The following PCYT2 variants were observed in gnomAD, a reference collection of about 807,000 sequenced individuals.
The protein encoded by PCYT2 is ethanolamine-phosphate cytidylyltransferase.
Under a neutral mutation model 50.0 loss-of-function variants are expected in PCYT2, and 33 were observed. The ratio of observed to expected loss-of-function variants is 0.66; its 90% confidence interval spans 0.50 to 0.88. PCYT2 has a LOEUF of 0.88. Among genes scored for constraint, PCYT2 ranks in the 40% least tolerant of loss-of-function variants. The probability of loss-of-function intolerance (pLI) is 0.00; values close to 1 mark genes in which losing one functional copy is unlikely to be tolerated. For synonymous variants in PCYT2, 240 were observed against 203.7 expected (o/e 1.18, Z -1.52); for missense variants, 430 against 519.7 (o/e 0.83, Z 1.68).
Position 81,906,783 on chromosome 17 carries a change from A to G in PCYT2, c.653T>C (p.Val218Ala). 6.2e-7 allele frequency: 1 copy of G among 1,613,428 alleles called. No individual in the cohort carries two copies. Among genetic ancestry groups the G allele is most frequent in the South Asian group, 1.1e-5 (1 of 91,088 alleles). The change falls in exon 7 of 13, where the codon GTG becomes GCG. Residue 218 changes from valine (V) to alanine (A), a missense_variant. Val to Ala is a moderately conservative substitution (Grantham distance 64). This residue lies in a region of PCYT2 where 248 missense variants were observed against 300.2 expected (regional missense o/e 0.83). Transcript: ENST00000538936. ...ACGGAACAGGTCGAAGGCACCAGCCACATAGATGACTGTCTCCCCTGGCTG... is the reference window on the plus strand; with the variant it reads ...ACGGAACAGGTCGAAGGCACCAGCCGCATAGATGACTGTCTCCCCTGGCTG... The part of the protein sequence containing the change: ...EPQPGETVIY[V>A]AGAFDLFHIG...
rs750116512 is a variant in PCYT2, at chr17:81,909,540, T to C, written c.152A>G (p.Tyr51Cys). ...ATCGGTGTGCACGCCTACGATGAGGTAGTCACCCATGGCCCGTGCCTGGCG... is the reference window on the plus strand; with the variant it reads ...ATCGGTGTGCACGCCTACGATGAGGCAGTCACCCATGGCCCGTGCCTGGCG... ...QLRQARAMGD[Y>C]LIVGVHTDEE... The change falls in exon 2 of 13, where the codon TAC (tyrosine) becomes TGC (cysteine). Residue 51 changes from tyrosine to cysteine, a missense_variant. By Grantham distance (194) the Tyr-to-Cys change is radical. Transcript: ENST00000538936. The C allele has an allele frequency of 2.5e-6, 4 of 1,613,382 alleles. No homozygotes were observed. The Admixed American group carries it at 5.0e-5, about 20-fold the overall frequency.
intron 6 of PCYT2, 148 bp downstream of exon 6, chr17:81,907,406 C>T: frequency 1.7e-6 from 2 of 1,195,248 alleles, no homozygotes; most frequent in Non-Finnish European, 2.4e-6. Flanking sequence ...GTGAGCCAAA[C>T]CTGGCAGTCA....
intron 10 of PCYT2, 59 bp from the exon 11 acceptor site, chr17:81,905,506 C>G (rs1438911139): frequency 6.7e-7 from 1 of 1,494,994 alleles, no homozygotes; most frequent in African/African-American, 1.4e-5. Context: ...TCGCCACCCA[C>G]AGCCCAGCAC....
At chr17:81,909,951 C>T (rs1300628256) in intron 1 of PCYT2, among the ~76,000 whole-genome samples, 1 of 152,210 alleles carries the variant, frequency 6.6e-6, no homozygotes, top group Non-Finnish European at 1.5e-5. Flanking sequence ...ATCAACTGCC[C>T]TGGGCAGTCA....
In PCYT2 at chr17:81,903,011, G is replaced by C; in HGVS notation, c.*1822C>G. The C allele has an allele frequency of 4.1e-6, 2 of 490,822 alleles. No individual in the cohort carries two copies. The highest frequency in any genetic ancestry group is 7.1e-6 in the Non-Finnish European group (2 of 280,832). The allele number at this position is 490,822 out of a possible 1,614,324, so 30.4% of individuals were successfully genotyped here. On this transcript the variant is annotated 3_prime_UTR_variant, in exon 13 of 13. Coordinates refer to ENST00000538936, the MANE Select transcript of PCYT2 (RefSeq NM_002861.5). ...AGCCGAGTGTGCGGCGGCAGGGCAA[G>C]GTTGGCCTGGGCCGCCCAGAGGTCT...
At chr17:81,905,300 C>T in intron 11 of PCYT2, 82 bp downstream of exon 11, 1 of 1,391,058 alleles carries the variant, frequency 7.2e-7, no homozygotes, top group South Asian at 1.2e-5. Flanking sequence ...TGCCCGTTTC[C>T]CAGGCAGGCA....
chr17:81,908,032 G>A (rs1598326075), intron 4 of PCYT2, among the ~76,000 whole-genome samples, 175 bp from the exon 5 acceptor site: 2 of 152,322 alleles, frequency 1.3e-5, no homozygotes, highest in South Asian at 2.1e-4. Context: ...TTGGGAACAT[G>A]GGGAAGGCCT....
intron 1 of PCYT2, among the ~76,000 whole-genome samples, chr17:81,910,335 C>T (rs1457628220): frequency 6.6e-6 from 1 of 152,228 alleles, no homozygotes; most frequent in African/African-American, 2.4e-5. Context: ...GCTGTCCCTG[C>T]CTCTCCAGGG....
chr17:81,911,244 GC>G, intron 1 of PCYT2, 22 bp downstream of exon 1: 1 of 1,033,604 alleles, frequency 9.7e-7, no homozygotes, highest in East Asian at 8.7e-5. Flanking sequence ...CGCCCCCGCG[GC>G]CCGCCCCGGC....
In PCYT2 at chr17:81,905,902, G is replaced by C; in HGVS notation, c.838-167C>G. 3.8e-6 allele frequency: 3 copies of C among 783,936 alleles called. No homozygotes were observed. The South Asian group carries it at 4.6e-5, about 12-fold the overall frequency. The allele number at this position is 783,936 out of a possible 1,614,324, so 48.6% of individuals were successfully genotyped here. A position where few individuals can be genotyped will look rare whatever the true frequency, so the allele number is the denominator to read the frequency against. On this transcript the variant is annotated intron_variant, in intron 9 of 12. Transcript: ENST00000538936. ...TGGGGCTCCTCCATGAGACAAGAAG[G>C]AACAGCATCTGGAGACCTGACCACC...
In PCYT2 at chr17:81,902,687, C is replaced by T. The variant is rs768544542; in HGVS notation, c.*2146G>A. On this transcript the variant is annotated 3_prime_UTR_variant, in exon 13 of 13. Transcript: ENST00000538936. Reference sequence around the variant, plus strand: ...GAGCGGCTCCCCGACGGCCGCGGGACCTACCAGTGCAAGGCGAACGTCTTC... The same window carrying T: ...GAGCGGCTCCCCGACGGCCGCGGGATCTACCAGTGCAAGGCGAACGTCTTC... The T allele has an allele frequency of 2.0e-5, 32 of 1,608,774 alleles. No individual in the cohort carries two copies. The South Asian group carries it at 3.2e-4, about 16-fold the overall frequency.
At chr17:81,905,308 G>C (rs2040193145) in intron 11 of PCYT2, 74 bp downstream of exon 11, 1 of 1,409,198 alleles carries the variant, frequency 7.1e-7, no homozygotes, top group Non-Finnish European at 9.8e-7. Context: ...TCCCAGGCAG[G>C]CACAGTGAGT....
Position 81,908,573 on chromosome 17 carries a change from C to T in PCYT2, c.402G>A (p.Arg134=), listed in dbSNP as rs1264116109. ...DTYEEVKQAG[R]YRECKRTQGV... The stretch of plus-strand genomic sequence containing the variant: ...GGCCCGCGGTGGAGACTCACCTGTA[C>T]CTCCCAGCCTGCTTTACTTCCTCAT... The change falls in exon 4 of 13, where the codon AGG becomes AGA. Residue 134 remains arginine, a synonymous_variant. Transcript: ENST00000538936. 3.1e-6 allele frequency: 5 copies of T among 1,612,356 alleles called. No individual in the cohort carries two copies. The highest frequency in any genetic ancestry group is 2.2e-5 in the East Asian group (1 of 44,884).
In PCYT2 at chr17:81,903,644, A is replaced by C. The variant is rs536561428; in HGVS notation, c.*1189T>G. ...AGGATGAGGATGGCCTGTGCCCCCC[A>C]CACCTTGGCCCCTGGCTCGGAGAGC... On this transcript the variant is annotated 3_prime_UTR_variant, in exon 13 of 13. Coordinates refer to ENST00000538936, the MANE Select transcript of PCYT2 (RefSeq NM_002861.5). 6.6e-6 allele frequency: 1 copy of C among 152,274 alleles called. No individual in the cohort carries two copies. Among genetic ancestry groups the C allele is most frequent in the East Asian group, 1.9e-4 (1 of 5,146 alleles). 9.4% of individuals were successfully genotyped at this position (152,274 alleles called of 1,614,324 possible).
rs373373199 is a variant in PCYT2 at position 81,905,026 on chromosome 17, G to C, written c.1058+40C>G. On this transcript the variant is annotated intron_variant, in intron 12 of 12. Coordinates refer to ENST00000538936, the MANE Select transcript of PCYT2 (RefSeq NM_002861.5). ...GGGCACGGTAAGTCTAGCGGAGAGC[G>C]CCCATGAGGCGGCTCCGAGGTGCCC... The C allele has an allele frequency of 2.5e-6, 4 of 1,588,022 alleles. No homozygotes were observed. The South Asian group carries it at 4.4e-5, about 18-fold the overall frequency.
rs768421542 is a variant in PCYT2 at position 81,906,779 on chromosome 17, A to T, written c.657T>A (p.Ala219=). ...GGATACGGAACAGGTCGAAGGCACC[A>T]GCCACATAGATGACTGTCTCCCCTG... The part of the protein sequence containing the change: ...PQPGETVIYV[A]GAFDLFHIGH... The change falls in exon 7 of 13, where the codon GCT becomes GCA. Residue 219 remains alanine, a synonymous_variant. Coordinates refer to ENST00000538936, the MANE Select transcript of PCYT2 (RefSeq NM_002861.5). 3.7e-6 allele frequency: 6 copies of T among 1,613,268 alleles called. No individual in the cohort carries two copies. Among genetic ancestry groups the T allele is most frequent in the Non-Finnish European group, 5.1e-6 (6 of 1,179,956 alleles).
chr17:81,905,504 C>G, intron 10 of PCYT2, 57 bp from the exon 11 acceptor site: 1 of 1,495,668 alleles, frequency 6.7e-7, no homozygotes, highest in Non-Finnish European at 9.1e-7. Flanking sequence ...CGTCGCCACC[C>G]ACAGCCCAGC....
chr17:81,909,144 G>A (rs2040442082), intron 2 of PCYT2, 107 bp from the exon 3 acceptor site: 1 of 1,519,646 alleles, frequency 6.6e-7, no homozygotes, highest in East Asian at 2.3e-5. Flanking sequence ...GGCCGGTGGG[G>A]GCAGGCTGTC....
chr17:81,910,582 C>T (rs1487762654), intron 1 of PCYT2, among the ~76,000 whole-genome samples: 1 of 152,198 alleles, frequency 6.6e-6, no homozygotes. Flanking sequence ...AGTCCACTGA[C>T]ACAAAGCCAC....
Sources: gnomAD v4.1 joint callset for allele counts (sites outside exome capture counted in the v4.1 genomes callset) on GRCh38, gnomAD v4.1.1 for gene constraint, gnomAD v4.1.1 regional missense constraint, MANE v1.5 for transcripts, NCBI Gene and HGNC (gene_info 2026-07-23, HGNC 2026-07-21) for gene names.